SH3RF3: variants seen among roughly 807,000 people sequenced by gnomAD.
SH3RF3 encodes the protein SH3 domain containing ring finger 3.
Under a neutral mutation model 66.3 loss-of-function variants are expected in SH3RF3, and 29 were observed. The observed-to-expected ratio is 0.44, with a 90% CI of 0.33 to 0.60. The LOEUF is 0.60. Among genes scored for constraint, SH3RF3 ranks in the 20% least tolerant of loss-of-function variants. The pLI is 0.04. For synonymous variants in SH3RF3, 583 were observed against 532.0 expected (o/e 1.10, Z -1.32); for missense variants, 1,194 against 1,190.9 (o/e 1.00, Z -0.04).
intron 4 of SH3RF3, among the ~76,000 whole-genome samples, chr2:109,411,733 C>T (rs762844139): frequency 3.3e-5 from 5 of 152,198 alleles, no homozygotes; most frequent in South Asian, 2.1e-4. Flanking sequence ...GCCGGCCACA[C>T]GGGAGCCACG....
intron 3 of SH3RF3, among the ~76,000 whole-genome samples, chr2:109,378,593 G>A (rs4676081): frequency 0.38 from 58,100 of 152,060 alleles, 11,332 homozygotes; most frequent in African/African-American, 0.45. Flanking sequence ...TGGCATTCCT[G>A]CAGATGTTCT....
intron 1 of SH3RF3, among the ~76,000 whole-genome samples, chr2:109,155,335 C>G (rs1462247654): frequency 1.3e-5 from 2 of 152,306 alleles, no homozygotes; most frequent in African/African-American, 2.4e-5. Flanking sequence ...GAGTCTCGCT[C>G]TGTTGCCCAG....
intron 8 of SH3RF3, among the ~76,000 whole-genome samples, chr2:109,455,460 G>A (rs748386133): frequency 4.5e-4 from 69 of 152,324 alleles, no homozygotes; most frequent in Admixed American, 1.8e-3. Flanking sequence ...GGTCTGGGGC[G>A]TGGAGTCTGT....
At chr2:109,477,232 C>A (rs558528803) in intron 8 of SH3RF3, among the ~76,000 whole-genome samples, 241 of 152,338 alleles carry the variant, frequency 1.6e-3, no homozygotes, top group Non-Finnish European at 2.6e-3. Context: ...CACACCCTCA[C>A]GTGGTGACTG....
rs376440782 is a variant in SH3RF3, at chr2:109,232,406, G to A, written c.573+102293G>A. 2.9e-4 allele frequency among the ~76,000 whole-genome samples: 44 copies of A among 152,240 alleles called. 1 individual carries two copies. The South Asian group carries it at 9.1e-3, about 32-fold the overall frequency. ...TACTTATCACTAACTGTGTTACCTG[G>A]CTGAGTCACTTAATTTCTCTGAGCC... is the stretch of plus-strand genomic sequence containing the variant. On this transcript the variant is annotated intron_variant, in intron 1 of 9. Transcript: ENST00000309415.
chr2:109,191,651 A>G (rs1418210737), intron 1 of SH3RF3, among the ~76,000 whole-genome samples: 1 of 152,110 alleles, frequency 6.6e-6, no homozygotes, highest in Non-Finnish European at 1.5e-5. Context: ...CAATAATTGG[A>G]GCCACTTGCC....
chr2:109,170,767 G>A (rs779835533), intron 1 of SH3RF3, among the ~76,000 whole-genome samples: 1 of 152,318 alleles, frequency 6.6e-6, no homozygotes, highest in Non-Finnish European at 1.5e-5. Flanking sequence ...CAAGGGGTGC[G>A]GATGACCCAT....
At chr2:109,468,810 C>T (rs894588649) in intron 8 of SH3RF3, among the ~76,000 whole-genome samples, 18 of 141,166 alleles carry the variant, frequency 1.3e-4, no homozygotes, top group South Asian at 2.3e-4. Flanking sequence ...GCCAAGATCG[C>T]GGCAGTGCAC....
At chr2:109,376,028 A>G (rs1683373640) in intron 3 of SH3RF3, among the ~76,000 whole-genome samples, 1 of 152,238 alleles carries the variant, frequency 6.6e-6, no homozygotes, top group African/African-American at 2.4e-5. Flanking sequence ...TGGGCTAGCC[A>G]TGGGGCATAG....
chr2:109,295,564 T>A (rs916415732), intron 1 of SH3RF3, among the ~76,000 whole-genome samples: 26 of 152,186 alleles, frequency 1.7e-4, no homozygotes, highest in Admixed American at 1.7e-3. Context: ...GAGGTCTCAC[T>A]GTGGAGGGCC....
intron 1 of SH3RF3, among the ~76,000 whole-genome samples, chr2:109,273,537 C>T (rs1017582648): frequency 1.1e-4 from 17 of 152,268 alleles, no homozygotes; most frequent in African/African-American, 1.9e-4. Flanking sequence ...TCACTGGGCA[C>T]GTGTTTAGTG....
chr2:109,416,405 G>A (rs1676724124), intron 4 of SH3RF3, among the ~76,000 whole-genome samples: 1 of 152,032 alleles, frequency 6.6e-6, no homozygotes, highest in Non-Finnish European at 1.5e-5. Flanking sequence ...GACTAGCCTG[G>A]CCAACATGGC....
intron 3 of SH3RF3, among the ~76,000 whole-genome samples, chr2:109,395,126 A>G (rs1427071725): frequency 6.6e-6 from 1 of 152,222 alleles, no homozygotes; most frequent in Non-Finnish European, 1.5e-5. Context: ...CAAGTCACAG[A>G]TCTGTAGCAG....
chr2:109,249,136 C>T (rs1679996455), intron 1 of SH3RF3, among the ~76,000 whole-genome samples: 1 of 152,178 alleles, frequency 6.6e-6, no homozygotes, highest in Admixed American at 6.5e-5. Context: ...CTGTCTTGGC[C>T]TCTCAAAAAA....
At chr2:109,233,220 T>C (rs1488629790) in intron 1 of SH3RF3, among the ~76,000 whole-genome samples, 1 of 152,196 alleles carries the variant, frequency 6.6e-6, no homozygotes, top group Admixed American at 6.5e-5. Context: ...ACCCAGGTTC[T>C]TGTCCAGCAC....
chr2:109,503,249 T>G lies in SH3RF3; in HGVS notation c.*1578T>G, dbSNP rs1363403846. On this transcript the variant is annotated 3_prime_UTR_variant, in exon 10 of 10. Coordinates refer to ENST00000309415, the MANE Select transcript of SH3RF3 (RefSeq NM_001099289.3). ...AATACCATTCAGACTTAAATTAAGC[T>G]GAAGAAACTAGCCTTTGGTAACATA... 1.3e-5 allele frequency: 2 copies of G among 152,224 alleles called. No homozygotes were observed. Among genetic ancestry groups the G allele is most frequent in the East Asian group, 3.8e-4 (2 of 5,200 alleles). 9.4% of individuals were successfully genotyped at this position (152,224 alleles called of 1,614,324 possible).
At chr2:109,258,775 T>G (rs1680283626) in intron 1 of SH3RF3, among the ~76,000 whole-genome samples, 1 of 152,226 alleles carries the variant, frequency 6.6e-6, no homozygotes, top group South Asian at 2.1e-4. Flanking sequence ...TGCACTGCTG[T>G]TGTCCTTCCT....
chr2:109,374,139 A>C (rs555254142), intron 3 of SH3RF3, among the ~76,000 whole-genome samples: 1 of 151,540 alleles, frequency 6.6e-6, no homozygotes, highest in East Asian at 2.0e-4. Flanking sequence ...TTCTGCCTCC[A>C]CTCTTGGGCA....
chr2:109,191,037 T>C (rs1163112275), intron 1 of SH3RF3, among the ~76,000 whole-genome samples: 1 of 152,024 alleles, frequency 6.6e-6, no homozygotes, highest in Non-Finnish European at 1.5e-5. Flanking sequence ...TATTTCAGGC[T>C]TCTTGGGCCA....
Sources: allele counts gnomAD v4.1 joint callset (sites outside exome capture counted in the v4.1 genomes callset), GRCh38; gene constraint gnomAD v4.1.1; transcripts MANE v1.5; gene names NCBI Gene and HGNC (gene_info 2026-07-23, HGNC 2026-07-21).